Variants in ERI3 observed in about 807,000 individuals in gnomAD.
ERI3 encodes ERI1 exoribonuclease 3.
ERI3 carries 18 observed loss-of-function variants against 44.4 expected under a neutral mutation model. The ratio of observed to expected loss-of-function variants is 0.41; its 90% CI spans 0.28 to 0.60. ERI3 has a LOEUF of 0.60. Ranked by LOEUF, ERI3 falls within the 20% of genes least tolerant of loss-of-function variation. ERI3 has a pLI of 0.36. For synonymous variants in ERI3, 183 were observed against 164.8 expected, an observed-to-expected ratio of 1.11 and a Z score of -0.84; for missense variants, 294 against 435.5, an observed-to-expected ratio of 0.68 and a Z score of 2.89.
chr1:44,329,488 C>T (rs1646384845), intron 3 of ERI3, among the ~76,000 whole-genome samples: 1 of 152,226 alleles, frequency 6.6e-6, no homozygotes, highest in Non-Finnish European at 1.5e-5. Flanking sequence ...AACTACCAAT[C>T]CCGTTCAGTT....
chr1:44,280,951 G>A (rs1315989808), intron 7 of ERI3, among the ~76,000 whole-genome samples: 2 of 152,182 alleles, frequency 1.3e-5, no homozygotes, highest in South Asian at 2.1e-4. Flanking sequence ...TATTCAGAGC[G>A]ATGGGGGTAG....
At chr1:44,240,421 C>A (rs549676434) in intron 8 of ERI3, among the ~76,000 whole-genome samples, 1 of 152,250 alleles carries the variant, frequency 6.6e-6, no homozygotes, top group South Asian at 2.1e-4. Flanking sequence ...TTAAATGGAT[C>A]CAGGCGTGGT....
intron 7 of ERI3, chr1:44,283,944 C>T (rs954141417): frequency 8.6e-6 from 4 of 466,986 alleles, no homozygotes; most frequent in African/African-American, 6.0e-5. Flanking sequence ...AGCCTCACCC[C>T]CCTTGACCTC....
rs767598488 is a variant in ERI3 at position 44,221,555 on chromosome 1, C to G, written c.*3G>C. ...TGTCCTGCCCCATCCTGTCCTCGGC[C>G]AATCAGAACGGCTTCGATGTCTGCT... On this transcript the variant is annotated 3_prime_UTR_variant, in exon 9 of 9. Coordinates refer to ENST00000372257, the MANE Select transcript of ERI3 (RefSeq NM_024066.3). This position sits in a 1 kb window ranked among gnomAD's most constrained non-coding sequence, Gnocchi z 5.9. The G allele has an allele frequency of 6.2e-7, 1 of 1,613,764 alleles. No homozygotes were observed. The highest frequency in any genetic ancestry group is 8.5e-7 in the Non-Finnish European group (1 of 1,179,666).
chr1:44,332,967 G>A (rs866026903), intron 3 of ERI3, among the ~76,000 whole-genome samples: 2 of 152,358 alleles, frequency 1.3e-5, no homozygotes. Context: ...TGAAAGAAGA[G>A]ATGTGTTAAA....
chr1:44,272,302 T>C (rs114839468), intron 7 of ERI3, among the ~76,000 whole-genome samples: 12 of 152,262 alleles, frequency 7.9e-5, no homozygotes, highest in African/African-American at 2.4e-4. Context: ...ATATTAATCA[T>C]CATTTACAGG....
intron 6 of ERI3, among the ~76,000 whole-genome samples, chr1:44,302,369 G>A (rs1426874266): frequency 6.6e-6 from 1 of 152,232 alleles, no homozygotes; most frequent in Non-Finnish European, 1.5e-5. Context: ...GACTGGCAGG[G>A]AGTTCTTACT....
chr1:44,322,746 T>TA, intron 3 of ERI3: 1 of 1,549,826 alleles, frequency 6.5e-7, no homozygotes. Flanking sequence ...GCCCAGCCAG[T>TA]ACTTCCATAC....
At chr1:44,305,983 G>A (rs138680281) in intron 6 of ERI3, among the ~76,000 whole-genome samples, 7 of 152,184 alleles carry the variant, frequency 4.6e-5, no homozygotes, top group Non-Finnish European at 1.0e-4. Flanking sequence ...TGGCTCTGAC[G>A]AGAGCCATCT....
At chr1:44,354,333 C>A in intron 1 of ERI3, 2 of 985,414 alleles carry the variant, frequency 2.0e-6, no homozygotes, top group Non-Finnish European at 2.4e-6. Context: ...AAATCCAAAC[C>A]CCCATTGAGG....
Position 44,221,683 on chromosome 1 carries a change from C to T in ERI3, c.932-43G>A. ...CATTTAGATCAGCCCCAGATCCTTC[C>T]CCTCCATGCCCACAGGTGCTCTTAC... On this transcript the variant is annotated intron_variant, in intron 8 of 8. Transcript: ENST00000372257. This position sits in a 1 kb window ranked among gnomAD's most constrained non-coding sequence, Gnocchi z 5.9. 1.3e-6 allele frequency: 2 copies of T among 1,518,240 alleles called. No individual in the cohort carries two copies. The highest frequency in any genetic ancestry group is 1.8e-6 in the Non-Finnish European group (2 of 1,093,200). 94.0% of individuals were successfully genotyped at this position (1,518,240 alleles called of 1,614,324 possible).
rs143791782 is a variant in ERI3 at position 44,267,406 on chromosome 1, T to C, written c.831+17429A>G. On this transcript the variant is annotated intron_variant, in intron 7 of 8. Transcript: ENST00000372257. ...CTATGGGCCTCTCCTCCCCTCCTTCTTCTTCCCTCCCTTTCTTTCCTGCAG... is the reference window on the plus strand; with the variant it reads ...CTATGGGCCTCTCCTCCCCTCCTTCCTCTTCCCTCCCTTTCTTTCCTGCAG... Among the ~76,000 whole-genome samples the C allele has an allele frequency of 6.1e-3, 923 of 152,290 alleles. 7 individuals carry two copies. The highest frequency in any genetic ancestry group is 8.6e-3 in the Non-Finnish European group (588 of 68,016).
chr1:44,335,870 G>A (rs1646526379), intron 3 of ERI3, among the ~76,000 whole-genome samples: 1 of 151,914 alleles, frequency 6.6e-6, no homozygotes, highest in Non-Finnish European at 1.5e-5. Flanking sequence ...GATCTAAGGT[G>A]TATACCTTAT....
At chr1:44,334,135 G>A (rs1194017102) in intron 3 of ERI3, among the ~76,000 whole-genome samples, 1 of 152,226 alleles carries the variant, frequency 6.6e-6, no homozygotes, top group Non-Finnish European at 1.5e-5. Context: ...TAGCCGCCAG[G>A]ATGGCAGCTC....
At chr1:44,329,766 C>T (rs1278541331) in intron 3 of ERI3, among the ~76,000 whole-genome samples, 1 of 152,212 alleles carries the variant, frequency 6.6e-6, no homozygotes, top group Non-Finnish European at 1.5e-5. Context: ...AACAGCTCTG[C>T]CTGTTATGTT....
At position 44,221,140 on chromosome 1, in the gene ERI3, G is replaced by T; in HGVS notation, c.*418C>A. ...AGTGGCACGTTCACAGCGGGGATGG[G>T]GGTAGACACAAGGTGGGGCCTGATC... On this transcript the variant is annotated 3_prime_UTR_variant, in exon 9 of 9. Transcript: ENST00000372257. The surrounding 1 kb of genome is among the most constrained non-coding windows in gnomAD (Gnocchi z 5.9). 2 of 274,848 alleles carry T rather than the reference G, an allele frequency of 7.3e-6. No individual in the cohort carries two copies. The highest frequency in any genetic ancestry group is 1.4e-5 in the Non-Finnish European group (2 of 142,726). The allele number at this position is 274,848 out of a possible 1,614,324, so 17.0% of individuals were successfully genotyped here.
At position 44,355,133 on chromosome 1, in the gene ERI3, G is replaced by A. The variant is rs934280850; in HGVS notation, c.-107C>T. On this transcript the variant is annotated 5_prime_UTR_variant, in exon 1 of 9. Transcript: ENST00000372257. The stretch of plus-strand genomic sequence containing the variant: ...CTCAGGGCAGTTGGCGGCGGCGGGC[G>A]CGGCCCGCGCCGACTGCGGCGCCGG... The A allele has an allele frequency of 8.9e-6, 11 of 1,230,548 alleles. No homozygotes were observed. Among genetic ancestry groups the A allele is most frequent in the Non-Finnish European group, 7.1e-6 (7 of 982,170 alleles). The allele number at this position is 1,230,548 out of a possible 1,614,324, so 76.2% of individuals were successfully genotyped here.
chr1:44,283,945 C>G (rs867465368), intron 7 of ERI3: 1 of 467,306 alleles, frequency 2.1e-6, no homozygotes, highest in South Asian at 1.6e-5. Flanking sequence ...GCCTCACCCC[C>G]CTTGACCTCT....
intron 6 of ERI3, 35 bp from the exon 7 acceptor site, chr1:44,284,942 G>A (rs1368495351): frequency 3.2e-6 from 5 of 1,568,164 alleles, no homozygotes; most frequent in Admixed American, 1.7e-5. Context: ...CAAGTTGGGC[G>A]CATCCATGTC....
Sources: gnomAD v4.1 joint callset for allele counts (sites outside exome capture counted in the v4.1 genomes callset) on GRCh38, gnomAD v4.1.1 for gene constraint, Gnocchi (gnomAD v3.1) non-coding constraint, MANE v1.5 for transcripts, NCBI Gene and HGNC (gene_info 2026-07-23, HGNC 2026-07-21) for gene names.